The following CLCN7 variants were observed in gnomAD, a reference collection of about 807,000 sequenced individuals.
CLCN7 encodes the protein Cl-/H+ antiporter 7, also known as H(+)/Cl(-) exchange transporter 7.
In CLCN7, 60 loss-of-function variants were observed where a neutral mutation model predicts 102.1. That is an observed-to-expected ratio of 0.59 (90% CI 0.48 to 0.73). The LOEUF (loss-of-function observed/expected upper bound fraction) is 0.73, where lower values mean the gene tolerates loss of function less well. Among genes scored for constraint, CLCN7 ranks in the 30% least tolerant of loss-of-function variants. CLCN7 has a pLI of 0.00. For missense variants in CLCN7, 962 were observed against 1,125.7 expected (o/e 0.85, Z 2.08); for synonymous variants, 560 against 490.5 (o/e 1.14, Z -1.87).
chr16:1,454,578 C>T (rs2038804619), intron 12 of CLCN7, 113 bp from the exon 13 acceptor site: 1 of 1,042,590 alleles, frequency 9.6e-7, no homozygotes. Context: ...GAGAGCCTTC[C>T]CGCCCTTCCA....
rs534953229 is a variant in CLCN7 at position 1,447,013 on chromosome 16, C to T, written c.2324G>A (p.Arg775His). 52 of 1,595,318 alleles carry T rather than the reference C, an allele frequency of 3.3e-5. No homozygotes were observed. The East Asian group carries it at 8.6e-4, about 26-fold the overall frequency. The change falls in exon 24 of 25, where the codon CGC (arginine) becomes CAC (histidine). Residue 775 changes from arginine to histidine, a missense_variant. Coordinates refer to ENST00000382745, the MANE Select transcript of CLCN7 (RefSeq NM_001287.6). ...CCCACCGCCCCCGCTCACCTGATTG[C>T]GGTTGTCCACCACCACCAGGTGCCG... ...GLRHLVVVDN[R>H]NQVVGLVTRK...
chr16:1,466,662 G>A lies in CLCN7; in HGVS notation c.142-1324C>T, dbSNP rs149436640. On this transcript the variant is annotated intron_variant, in intron 1 of 24. Transcript: ENST00000382745. Reference sequence around the variant, plus strand: ...ATCCCAGAAACTGCCTTCAGAACCAGACCTTCCCGGCGGGGTACAGTGGCT... The same window carrying A: ...ATCCCAGAAACTGCCTTCAGAACCAAACCTTCCCGGCGGGGTACAGTGGCT... The A allele has an allele frequency of 1.7e-3, 257 of 152,380 alleles. 1 individual carries two copies. Among genetic ancestry groups the A allele is most frequent in the South Asian group, 5.6e-3 (27 of 4,832 alleles). 9.4% of individuals were successfully genotyped at this position (152,380 alleles called of 1,614,324 possible).
chr16:1,450,040 A>ATTCT (rs2142370251), intron 17 of CLCN7: 1 of 185,956 alleles, frequency 5.4e-6, no homozygotes, highest in African/African-American at 2.4e-5. Flanking sequence ...GAGAAACAGA[A>ATTCT]GACACATAAG....
At position 1,450,667 on chromosome 16, in the gene CLCN7, C is replaced by G; in HGVS notation, c.1448-1G>C. ...CCGAGGGTCAGGGGGTTGTAGGAGC[C>G]TAGGAGAGAAGAGGGGCTGACGGGG... is the stretch of plus-strand genomic sequence containing the variant. On this transcript the variant is annotated splice_acceptor_variant, in intron 16 of 24. Transcript: ENST00000382745. LOFTEE classifies it high-confidence loss of function. 1 of 1,606,598 alleles carries G rather than the reference C, an allele frequency of 6.2e-7. No homozygotes were observed. Among genetic ancestry groups the G allele is most frequent in the Non-Finnish European group, 8.5e-7 (1 of 1,176,062 alleles).
rs571420082 is a variant in CLCN7 at position 1,446,118 on chromosome 16, G to A, written c.*513C>T. The A allele has an allele frequency of 7.9e-5, 47 of 597,080 alleles. No individual in the cohort carries two copies. The highest frequency in any genetic ancestry group is 2.4e-4 in the South Asian group (12 of 49,524). 37.0% of individuals were successfully genotyped at this position (597,080 alleles called of 1,614,324 possible). The stretch of plus-strand genomic sequence containing the variant: ...CTCCAAACCCTGGTGCTACGAGTCC[G>A]TGCCTCAGGCCCAGGGACCACAGGC... On this transcript the variant is annotated 3_prime_UTR_variant, in exon 25 of 25. Coordinates refer to ENST00000382745, the MANE Select transcript of CLCN7 (RefSeq NM_001287.6).
Position 1,457,907 on chromosome 16 carries a change from C to T in CLCN7, c.676-151G>A. Reference sequence around the variant, plus strand: ...GGCCAGCACCCCCAGGCTGGGTCTCCCCATGGCCACAGTGGAGCTAAACAG... The same window carrying T: ...GGCCAGCACCCCCAGGCTGGGTCTCTCCATGGCCACAGTGGAGCTAAACAG... On this transcript the variant is annotated intron_variant, in intron 7 of 24. Transcript: ENST00000382745. The surrounding 1 kb of genome is among the most constrained non-coding windows in gnomAD (Gnocchi z 5.4). 1.3e-6 allele frequency: 1 copy of T among 756,982 alleles called. No individual in the cohort carries two copies. The highest frequency in any genetic ancestry group is 2.3e-6 in the Non-Finnish European group (1 of 434,898). 46.9% of individuals were successfully genotyped at this position (756,982 alleles called of 1,614,324 possible).
rs115488555 is a variant in CLCN7 at position 1,455,277 on chromosome 16, C to G, written c.982-27G>C. On this transcript the variant is annotated intron_variant, in intron 11 of 24. Transcript: ENST00000382745. Reference sequence around the variant, plus strand: ...TGCGGCAGAGGGCAGGAAACCAGCGCCCTCAGAGCCACGCTCCCAGCCCAG... The same window carrying G: ...TGCGGCAGAGGGCAGGAAACCAGCGGCCTCAGAGCCACGCTCCCAGCCCAG... 7.2e-4 allele frequency: 1,010 copies of G among 1,397,412 alleles called. 9 individuals are homozygous for G. In the African/African-American group the frequency reaches 0.013, roughly 18 times the overall value. The allele number at this position is 1,397,412 out of a possible 1,614,324, so 86.6% of individuals were successfully genotyped here. A position where few individuals can be genotyped will look rare whatever the true frequency, so the allele number is the denominator to read the frequency against.
intron 21 of CLCN7, 129 bp from the exon 22 acceptor site, chr16:1,447,843 G>A (rs1053862890): frequency 2.0e-6 from 2 of 1,019,062 alleles, no homozygotes; most frequent in South Asian, 2.8e-5. Flanking sequence ...CCGTGTCGGT[G>A]GCTACCTGCT....
At chr16:1,451,940 T>A in intron 15 of CLCN7, 1 of 556,572 alleles carries the variant, frequency 1.8e-6, no homozygotes, top group Non-Finnish European at 3.4e-6. Flanking sequence ...ACACACGGCC[T>A]AGGCCCAGCA....
At chr16:1,464,745 C>T (rs907501964) in intron 2 of CLCN7, among the ~76,000 whole-genome samples, 8 of 152,200 alleles carry the variant, frequency 5.3e-5, no homozygotes, top group African/African-American at 1.4e-4. Context: ...TACCCAGAGA[C>T]GATGAGTGAA....
intron 2 of CLCN7, 68 bp from the exon 3 acceptor site, chr16:1,461,742 C>A (rs1006743384): frequency 6.1e-6 from 8 of 1,312,018 alleles, no homozygotes; most frequent in Non-Finnish European, 8.8e-6. Context: ...CCCCTCTCAG[C>A]TCACACACGA....
rs969371494 is a variant in CLCN7, at chr16:1,457,125, C to T, written c.822+129G>A. 1.5e-4 allele frequency: 133 copies of T among 894,066 alleles called. No homozygotes were observed. The highest frequency in any genetic ancestry group is 2.2e-4 in the Middle Eastern group (1 of 4,552). 55.4% of individuals were successfully genotyped at this position (894,066 alleles called of 1,614,324 possible). On this transcript the variant is annotated intron_variant, in intron 9 of 24. Coordinates refer to ENST00000382745, the MANE Select transcript of CLCN7 (RefSeq NM_001287.6). The surrounding 1 kb of genome is among the most constrained non-coding windows in gnomAD (Gnocchi z 5.4). ...GTGCCCGCTGGCTCTGGGAGCCACC[C>T]GCCAGGCTGTCCTCAGATGGGGCTG...
chr16:1,465,183 G>A, intron 2 of CLCN7, 84 bp downstream of exon 2: 4 of 1,364,776 alleles, frequency 2.9e-6, no homozygotes, highest in Non-Finnish European at 4.1e-6. Flanking sequence ...CTATCTCCCT[G>A]CCGCTCGGCC....
chr16:1,452,850 C>A lies in CLCN7; in HGVS notation c.1258G>T (p.Val420Leu), dbSNP rs753684336. 2 of 1,582,414 alleles carry A rather than the reference C, an allele frequency of 1.3e-6. No homozygotes were observed. Among genetic ancestry groups the A allele is most frequent in the African/African-American group, 2.7e-5 (2 of 74,030 alleles). ...PCLQVIEAVL[V>L]AAVTATVAFV... ...GCAACTGTGGCCGTGACGGCGGCCA[C>A]CAGCACGGCCTCAATCACCTGCAGG... Residue 420 changes from valine (V) to leucine (L), a missense_variant, in exon 15 of 25, where the codon GTG becomes TTG. By Grantham distance (32) the Val-to-Leu change is conservative. Around this residue, in one of 2 missense-constraint regions of CLCN7, gnomAD observed 799 missense variants for 988.0 expected, o/e 0.81. Transcript: ENST00000382745.
intron 11 of CLCN7, 57 bp from the exon 12 acceptor site, chr16:1,455,307 C>T: frequency 1.8e-6 from 2 of 1,109,418 alleles, no homozygotes; most frequent in Non-Finnish European, 1.4e-6. Flanking sequence ...GCCCAGGGCT[C>T]ACGGACCAGC....
Position 1,448,424 on chromosome 16 carries a change from C to T in CLCN7, c.1944G>A (p.Val648=). ...TGGACGCCGTGTCGCTCAGCACGTC[C>T]ACAATGACGCCGACCTTCTCACGCC... ...LRRREKVGVI[V]DVLSDTASNH... is the part of the protein sequence containing the mutation. Residue 648 remains valine (V), a synonymous_variant, in exon 21 of 25, where the codon GTG becomes GTA. Coordinates refer to ENST00000382745, the MANE Select transcript of CLCN7 (RefSeq NM_001287.6). 1 of 1,612,560 alleles carries T rather than the reference C, an allele frequency of 6.2e-7. No homozygotes were observed.
At chr16:1,451,998 G>A (rs1037207456) in intron 15 of CLCN7, 21 of 435,470 alleles carry the variant, frequency 4.8e-5, no homozygotes, top group South Asian at 2.9e-4. Flanking sequence ...ACCATGGGCT[G>A]AGACGCTGTC....
Position 1,448,689 on chromosome 16 carries a change from G to A in CLCN7, c.1875C>T (p.Leu625=), listed in dbSNP as rs2038693752. Reference sequence around the variant, plus strand: ...TGTCCTGGGCGCTGTACCTGGCAGTGAGTGAGTGTGAGGTGACCGGGGCCT... The same window carrying A: ...TGTCCTGGGCGCTGTACCTGGCAGTAAGTGAGTGTGAGGTGACCGGGGCCT... ...HWEAPVTSHS[L]TAREVMSTPV... The change falls in exon 20 of 25, where the codon CTC becomes CTT. Residue 625 remains leucine, a synonymous_variant. Transcript: ENST00000382745. 1 of 1,612,718 alleles carries A rather than the reference G, an allele frequency of 6.2e-7. No individual in the cohort carries two copies. The highest frequency in any genetic ancestry group is 2.2e-5 in the East Asian group (1 of 44,872).
In CLCN7 at chr16:1,452,901, C is replaced by G. The variant is rs1279228401; in HGVS notation, c.1215-8G>C. On this transcript the variant is annotated splice_polypyrimidine_tract_variant and splice_region_variant and intron_variant, in intron 14 of 24. Coordinates refer to ENST00000382745, the MANE Select transcript of CLCN7 (RefSeq NM_001287.6). ...CAGGGCCGGTGGATGTACCTGGAACCAAGAATCAGGCTGCATGGCAGGCAG... is the reference window on the plus strand; with the variant it reads ...CAGGGCCGGTGGATGTACCTGGAACGAAGAATCAGGCTGCATGGCAGGCAG... 2 of 1,563,652 alleles carry G rather than the reference C, an allele frequency of 1.3e-6. No individual in the cohort carries two copies. The highest frequency in any genetic ancestry group is 2.7e-5 in the African/African-American group (2 of 73,500).
Sources: allele counts gnomAD v4.1 joint callset (sites outside exome capture counted in the v4.1 genomes callset), GRCh38; gene constraint gnomAD v4.1.1; regional missense constraint gnomAD v4.1.1; non-coding constraint Gnocchi (gnomAD v3.1); transcripts MANE v1.5; gene names NCBI Gene and HGNC (gene_info 2026-07-23, HGNC 2026-07-21).